PDZRN3: variants seen among roughly 807,000 people sequenced by gnomAD.
The protein encoded by PDZRN3 is E3 ubiquitin-protein ligase PDZRN3.
PDZRN3 carries 38 observed loss-of-function variants against 85.7 expected under a neutral mutation model. That is an observed-to-expected ratio of 0.44 (90% CI 0.34 to 0.58). PDZRN3 has a LOEUF of 0.58. Among genes scored for constraint, PDZRN3 ranks in the 20% least tolerant of loss-of-function variants. PDZRN3 has a pLI of 0.01. For missense variants in PDZRN3, 1,629 were observed against 1,506.4 expected (o/e 1.08, Z -1.35); for synonymous variants, 759 against 638.0 (o/e 1.19, Z -2.86).
chr3:73,624,565 G>A lies in PDZRN3; in HGVS notation c.261C>T (p.Arg87=). The stretch of plus-strand genomic sequence containing the variant: ...GCAGCTTGACCACCCGGCCGCAGCC[G>A]CGCGTCGCGTACGCGCACTTGATGT... The part of the protein sequence containing the change: ...KLDIKCAYAT[R]GCGRVVKLQQ... Residue 87 remains arginine, a synonymous_variant, in exon 1 of 10, where the codon CGC becomes CGT. Coordinates refer to ENST00000263666, the MANE Select transcript of PDZRN3 (RefSeq NM_015009.3). 1 of 1,533,200 alleles carries A rather than the reference G, an allele frequency of 6.5e-7. No individual in the cohort carries two copies. The highest frequency in any genetic ancestry group is 8.7e-7 in the Non-Finnish European group (1 of 1,145,238). 95.0% of individuals were successfully genotyped at this position (1,533,200 alleles called of 1,614,324 possible). A position where few individuals can be genotyped will look rare whatever the true frequency, so the allele number is the denominator to read the frequency against.
At chr3:73,516,856 C>A (rs1704265316) in intron 3 of PDZRN3, among the ~76,000 whole-genome samples, 1 of 152,186 alleles carries the variant, frequency 6.6e-6, no homozygotes, top group Non-Finnish European at 1.5e-5. Context: ...TGGTCTTGGT[C>A]TGGTGCTGGC....
intron 3 of PDZRN3, among the ~76,000 whole-genome samples, chr3:73,420,649 A>G (rs569513258): frequency 6.6e-6 from 1 of 152,294 alleles, no homozygotes; most frequent in African/African-American, 2.4e-5. Flanking sequence ...CCATCATTTT[A>G]ACTGTCCCCC....
At chr3:73,552,139 G>C (rs868241912) in intron 3 of PDZRN3, among the ~76,000 whole-genome samples, 3 of 151,874 alleles carry the variant, frequency 2.0e-5, no homozygotes, top group Non-Finnish European at 4.4e-5. Flanking sequence ...CCACGTCCTC[G>C]TCTTCTATCC....
intron 3 of PDZRN3, among the ~76,000 whole-genome samples, chr3:73,577,720 T>C (rs546485263): frequency 6.6e-6 from 1 of 152,198 alleles, no homozygotes; most frequent in Non-Finnish European, 1.5e-5. Flanking sequence ...ACAGACTGCC[T>C]TTCTTCTAGG....
chr3:73,402,080 A>T (rs548318897), intron 4 of PDZRN3, among the ~76,000 whole-genome samples: 20 of 152,196 alleles, frequency 1.3e-4, no homozygotes, highest in Non-Finnish European at 2.5e-4. Context: ...AACATTCCCC[A>T]TTCAGTCCCG....
chr3:73,479,535 C>T (rs191818096), intron 3 of PDZRN3, among the ~76,000 whole-genome samples: 3 of 152,322 alleles, frequency 2.0e-5, no homozygotes, highest in East Asian at 3.9e-4. Flanking sequence ...AACCCTTCAT[C>T]GGTGCATGGC....
intron 3 of PDZRN3, among the ~76,000 whole-genome samples, chr3:73,530,721 C>A (rs1424875704): frequency 1.3e-5 from 2 of 152,116 alleles, no homozygotes; most frequent in African/African-American, 4.8e-5. Flanking sequence ...TCAGGAAAAT[C>A]TTTGGTTTCT....
Position 73,388,083 on chromosome 3 carries a change from AGGGGGGGTG to A in PDZRN3, c.1417-23_1417-15del. 3 of 908,172 alleles carry A rather than the reference AGGGGGGGTG, an allele frequency of 3.3e-6. No homozygotes were observed. The highest frequency in any genetic ancestry group is 5.1e-6 in the Non-Finnish European group (3 of 588,930). The allele number at this position is 908,172 out of a possible 1,614,324, so 56.3% of individuals were successfully genotyped here. The stretch of plus-strand genomic sequence containing the variant: ...TATCCCATTAATCTTTTAAAAAAAA[AGGGGGGGTG>A]GGGAGAGTGGGGAGACAAATAGCAT... On this transcript the variant is annotated splice_polypyrimidine_tract_variant and intron_variant, in intron 7 of 9. Coordinates refer to ENST00000263666, the MANE Select transcript of PDZRN3 (RefSeq NM_015009.3).
chr3:73,474,391 G>C, intron 3 of PDZRN3: 2 of 950,724 alleles, frequency 2.1e-6, no homozygotes, highest in Non-Finnish European at 2.9e-6. Context: ...TGTATAATGA[G>C]CAAATACAAT....
intron 3 of PDZRN3, among the ~76,000 whole-genome samples, chr3:73,490,379 T>C (rs915598269): frequency 1.3e-5 from 2 of 152,242 alleles, no homozygotes; most frequent in Non-Finnish European, 2.9e-5. Context: ...GTTAGGATTC[T>C]TATTGATAAT....
In PDZRN3 at chr3:73,383,762, T is replaced by G. The variant is rs2106662281; in HGVS notation, c.2804A>C (p.Lys935Thr). 4 of 1,613,002 alleles carry G rather than the reference T, an allele frequency of 2.5e-6. No individual in the cohort carries two copies. The highest frequency in any genetic ancestry group is 3.4e-6 in the Non-Finnish European group (4 of 1,179,972). The change falls in exon 10 of 10, where the codon AAG (lysine) becomes ACG (threonine). Residue 935 changes from lysine to threonine, a missense_variant. Physicochemically the swap from Lys to Thr is moderately conservative, Grantham distance 78. Coordinates refer to ENST00000263666, the MANE Select transcript of PDZRN3 (RefSeq NM_015009.3). The part of the protein sequence containing the change: ...IRSDGTRYIT[K>T]RPVRDRLLRE... ...CAGCAGGCGGTCCCGCACGGGCCTC[T>G]TGGTGATGTAGCGCGTCCCGTCGCT...
rs761665132 is a variant in PDZRN3 at position 73,383,486 on chromosome 3, T to A, written c.3080A>T (p.Lys1027Met). 1.2e-6 allele frequency: 2 copies of A among 1,614,100 alleles called. No individual in the cohort carries two copies. Among genetic ancestry groups the A allele is most frequent in the Admixed American group, 3.3e-5 (2 of 60,014 alleles). ...ATCGAAGATTTTCTTATTCCTCTTC[T>A]TCATCATCTTTTTGTGGCTCAGTTC... ...ILELSHKKMMKKRNKKIFDNW... is the reference protein window; with the variant it reads ...ILELSHKKMMMKRNKKIFDNW... Residue 1027 changes from lysine to methionine, a missense_variant, in exon 10 of 10, where the codon AAG becomes ATG. Transcript: ENST00000263666.
chr3:73,558,523 T>C (rs1482332647), intron 3 of PDZRN3, among the ~76,000 whole-genome samples: 1 of 152,234 alleles, frequency 6.6e-6, no homozygotes, highest in East Asian at 1.9e-4. Flanking sequence ...CTGGCCCTTT[T>C]GCAGCAAGAG....
At position 73,497,777 on chromosome 3, in the gene PDZRN3, C is replaced by T. The variant is rs186525863; in HGVS notation, c.919-93382G>A. Among the ~76,000 whole-genome samples, 18 of 152,092 alleles carry T rather than the reference C, an allele frequency of 1.2e-4. 1 individual carries two copies. The highest frequency in any genetic ancestry group is 3.9e-4 in the African/African-American group (16 of 41,396). On this transcript the variant is annotated intron_variant, in intron 3 of 9. Transcript: ENST00000263666. ...TAGGGATATAAGGGAGGAAAGAAAA[C>T]TCATTTAGGGCCGGCACAGCGCCCC...
intron 3 of PDZRN3, among the ~76,000 whole-genome samples, chr3:73,454,967 T>C (rs568459861): frequency 2.0e-5 from 3 of 152,274 alleles, no homozygotes; most frequent in East Asian, 1.9e-4. Flanking sequence ...TTCTACACTA[T>C]CTTGACTAAT....
intron 3 of PDZRN3, among the ~76,000 whole-genome samples, chr3:73,473,686 G>A (rs1240072975): frequency 6.6e-6 from 1 of 152,174 alleles, no homozygotes; most frequent in Non-Finnish European, 1.5e-5. Flanking sequence ...AAGAAACAGA[G>A]GCTCAGAGAA....
chr3:73,446,580 T>G (rs1350695395), intron 3 of PDZRN3, among the ~76,000 whole-genome samples: 1 of 152,156 alleles, frequency 6.6e-6, no homozygotes, highest in Non-Finnish European at 1.5e-5. Flanking sequence ...CAGAGTAAGT[T>G]TAAATTTACA....
chr3:73,384,133 G>A lies in PDZRN3; in HGVS notation c.2433C>T (p.Ile811=), dbSNP rs774133829. 4 of 1,614,122 alleles carry A rather than the reference G, an allele frequency of 2.5e-6. No individual in the cohort carries two copies. In the African/African-American group the frequency reaches 5.3e-5, roughly 22 times the overall value. The change falls in exon 10 of 10, where the codon ATC becomes ATT. Residue 811 remains isoleucine (I), a synonymous_variant. Transcript: ENST00000263666. ...YGPASKNLLS[I]TEDPEVGTPT... ...GGGTGCCCACTTCGGGATCTTCCGT[G>A]ATGGAGAGCAGATTCTTGGAGGCTG...
intron 3 of PDZRN3, among the ~76,000 whole-genome samples, chr3:73,527,765 G>C (rs1704558183): frequency 6.6e-6 from 1 of 152,064 alleles, no homozygotes; most frequent in Non-Finnish European, 1.5e-5. Context: ...TGGTTAATGT[G>C]GGCTCGGCAT....
Sources: gnomAD v4.1 joint callset for allele counts (sites outside exome capture counted in the v4.1 genomes callset) on GRCh38, gnomAD v4.1.1 for gene constraint, MANE v1.5 for transcripts, NCBI Gene and HGNC (gene_info 2026-07-23, HGNC 2026-07-21) for gene names.